EME2: variants seen among roughly 807,000 people sequenced by gnomAD.
EME2 encodes the protein essential meiotic structure-specific endonuclease subunit 2, also known as structure-specific endonuclease subunit EME2.
A neutral mutation model predicts 41.9 loss-of-function variants in EME2; 58 were observed. The observed-to-expected ratio is 1.38, with a 90% CI of 1.12 to 1.72. The LOEUF (loss-of-function observed/expected upper bound fraction) is 1.72, where lower values mean the gene tolerates loss of function less well. Ranked by LOEUF, EME2 falls within the 40% of genes most tolerant of loss-of-function variation. The probability of loss-of-function intolerance (pLI) is 0.00; values close to 1 mark genes in which losing one functional copy is unlikely to be tolerated. For synonymous variants in EME2, 334 were observed against 239.3 expected (o/e 1.40, Z -3.65); for missense variants, 695 against 541.9 (o/e 1.28, Z -2.81).
At chr16:1,774,795 C>A in intron 3 of EME2, 1 of 580,684 alleles carries the variant, frequency 1.7e-6, no homozygotes, top group Non-Finnish European at 3.1e-6. Flanking sequence ...AGAGGTGGAC[C>A]AGGATGAGGG....
In EME2 at chr16:1,778,391, C is replaced by A; in HGVS notation, c.*2153C>A. Reference sequence around the variant, plus strand: ...GGCTCTGCCCTGCCCACCCCCAGGCCCGCCCGCAGTGCAGTCCCAGCAGGG... The same window carrying A: ...GGCTCTGCCCTGCCCACCCCCAGGCACGCCCGCAGTGCAGTCCCAGCAGGG... On this transcript the variant is annotated 3_prime_UTR_variant, in exon 8 of 8. Transcript: ENST00000568449. The A allele has an allele frequency of 6.2e-7, 1 of 1,607,028 alleles. No individual in the cohort carries two copies. The highest frequency in any genetic ancestry group is 8.5e-7 in the Non-Finnish European group (1 of 1,177,572).
rs1271652829 is a variant in EME2, at chr16:1,773,813, G to T, written c.356G>T (p.Arg119Leu). The change falls in exon 2 of 8, where the codon CGA becomes CTA. Residue 119 changes from arginine (R) to leucine (L), a missense_variant. Transcript: ENST00000568449. ...CCGGCCCGCAGCCTGCGGTGGACCC[G>T]AGCGAGTCCCGACCCCTGCCCCCGC... is the stretch of plus-strand genomic sequence containing the variant. ...QRPARSLRWTRASPDPCPRSL... is the reference protein window; with the variant it reads ...QRPARSLRWTLASPDPCPRSL... The T allele has an allele frequency of 5.1e-6, 8 of 1,557,654 alleles. No homozygotes were observed. The highest frequency in any genetic ancestry group is 6.9e-6 in the Non-Finnish European group (8 of 1,153,846).
chr16:1,775,084 C>T lies in EME2; in HGVS notation c.521C>T (p.Thr174Ile). The T allele has an allele frequency of 1.2e-6, 2 of 1,611,152 alleles. No homozygotes were observed. Among genetic ancestry groups the T allele is most frequent in the South Asian group, 1.1e-5 (1 of 91,088 alleles). ...TGGGTGCCCTGGATCTCCCCCGAGACCACCGCCCGGCCCCACCTGGCTGTC... is the reference window on the plus strand; with the variant it reads ...TGGGTGCCCTGGATCTCCCCCGAGATCACCGCCCGGCCCCACCTGGCTGTC... ...THWVPWISPE[T>I]TARPHLAVIG... The change falls in exon 4 of 8, where the codon ACC (threonine) becomes ATC (isoleucine). Residue 174 changes from threonine to isoleucine, a missense_variant. Thr to Ile is a moderately conservative substitution (Grantham distance 89). Transcript: ENST00000568449.
In EME2 at chr16:1,781,093, T is replaced by A. The variant is rs1896689601; in HGVS notation, c.*4855T>A. 7.6e-7 allele frequency: 1 copy of A among 1,312,358 alleles called. No individual in the cohort carries two copies. Among genetic ancestry groups the A allele is most frequent in the Admixed American group, 2.2e-5 (1 of 45,208 alleles). The allele number at this position is 1,312,358 out of a possible 1,614,324, so 81.3% of individuals were successfully genotyped here. A position where few individuals can be genotyped will look rare whatever the true frequency, so the allele number is the denominator to read the frequency against. ...CAACTGCCAACCTCTCCATGCACCA[T>A]GTGTTTCAGAGGAGAAAGCACAGTG... On this transcript the variant is annotated 3_prime_UTR_variant, in exon 8 of 8. Transcript: ENST00000568449.
At position 1,773,001 on chromosome 16, in the gene EME2, G is replaced by A; in HGVS notation, c.-227G>A. On this transcript the variant is annotated 5_prime_UTR_variant, in exon 1 of 8. Transcript: ENST00000568449. ...GCGTCCAGAGAACGGCCGCGTCAAG[G>A]TCTCGTAGTCCACCGCGTAGAGCTG... The A allele has an allele frequency of 6.9e-7, 1 of 1,456,234 alleles. No individual in the cohort carries two copies. Among genetic ancestry groups the A allele is most frequent in the East Asian group, 2.8e-5 (1 of 35,932 alleles). The allele number at this position is 1,456,234 out of a possible 1,614,324, so 90.2% of individuals were successfully genotyped here. A position where few individuals can be genotyped will look rare whatever the true frequency, so the allele number is the denominator to read the frequency against.
In EME2 at chr16:1,773,415, C is replaced by T. The variant is rs1221384776; in HGVS notation, c.188C>T (p.Ala63Val). 34 of 1,566,868 alleles carry T rather than the reference C, an allele frequency of 2.2e-5. No individual in the cohort carries two copies. Among genetic ancestry groups the T allele is most frequent in the Non-Finnish European group, 2.6e-5 (30 of 1,165,840 alleles). ...GGTGAGCGCAGGGCGGCTGCCGAGG[C>T]GTTGCGGCTGCTGCGGCCGGAGCAG... Reference protein sequence around the residue: ...PAGERRAAAEALRLLRPEQVL... With the variant: ...PAGERRAAAEVLRLLRPEQVL... Residue 63 changes from alanine to valine, a missense_variant, in exon 1 of 8, where the codon GCG becomes GTG. Transcript: ENST00000568449.
chr16:1,777,451 G>T lies in EME2; in HGVS notation c.*1213G>T, dbSNP rs574283657. On this transcript the variant is annotated 3_prime_UTR_variant, in exon 8 of 8. Transcript: ENST00000568449. The stretch of plus-strand genomic sequence containing the variant: ...GCTTGGTGGCTGCCACACCTGGAAG[G>T]GAGGGGCCCAGCCTGAACCCCAGGC... 4.8e-5 allele frequency: 72 copies of T among 1,500,292 alleles called. No individual in the cohort carries two copies. The East Asian group carries it at 1.4e-3, about 28-fold the overall frequency. The allele number at this position is 1,500,292 out of a possible 1,614,324, so 92.9% of individuals were successfully genotyped here. A position where few individuals can be genotyped will look rare whatever the true frequency, so the allele number is the denominator to read the frequency against.
intron 4 of EME2, 70 bp downstream of exon 4, chr16:1,775,202 T>A: frequency 5.7e-6 from 9 of 1,590,090 alleles, no homozygotes; most frequent in Non-Finnish European, 6.9e-6. Context: ...GGCACACTTC[T>A]GGGGTTGCTG....
Position 1,776,689 on chromosome 16 carries a change from G to C in EME2, c.*451G>C, listed in dbSNP as rs1187885687. The C allele has an allele frequency of 3.4e-6, 1 of 295,386 alleles. No individual in the cohort carries two copies. Among genetic ancestry groups the C allele is most frequent in the African/African-American group, 2.2e-5 (1 of 45,644 alleles). 18.3% of individuals were successfully genotyped at this position (295,386 alleles called of 1,614,324 possible). On this transcript the variant is annotated 3_prime_UTR_variant, in exon 8 of 8. Transcript: ENST00000568449. ...TGCTCGCAAGCCCGGCCTCTGCACG[G>C]ATACGTTTCAGCTCACGCCATGTGG...
In EME2 at chr16:1,772,892, C is replaced by T; in HGVS notation, c.-336C>T. On this transcript the variant is annotated 5_prime_UTR_variant, in exon 1 of 8. Transcript: ENST00000568449. ...AGGACTTGCGCGTGACCAGGCGGCC[C>T]AGGCCGAAGAGCGGGAGGCGGCCGA... The T allele has an allele frequency of 6.9e-7, 1 of 1,453,426 alleles. No individual in the cohort carries two copies. The highest frequency in any genetic ancestry group is 9.0e-7 in the Non-Finnish European group (1 of 1,110,000). 90.0% of individuals were successfully genotyped at this position (1,453,426 alleles called of 1,614,324 possible). A position where few individuals can be genotyped will look rare whatever the true frequency, so the allele number is the denominator to read the frequency against.
intron 2 of EME2, 44 bp from the exon 3 acceptor site, chr16:1,774,216 C>T: frequency 6.3e-7 from 1 of 1,578,534 alleles, no homozygotes; most frequent in Non-Finnish European, 8.7e-7. Context: ...CCCTGGGGCA[C>T]CCGGGGTTGA....
At position 1,781,193 on chromosome 16, in the gene EME2, T is replaced by C. The variant is rs777064183; in HGVS notation, c.*4955T>C. On this transcript the variant is annotated 3_prime_UTR_variant, in exon 8 of 8. Transcript: ENST00000568449. ...CCTTTGCCAAATTAAAGAGTCTTAC[T>C]GAATGCGGTGCATCCAGGAGACAGG... 6.5e-7 allele frequency: 1 copy of C among 1,548,030 alleles called. No homozygotes were observed. The highest frequency in any genetic ancestry group is 8.7e-7 in the Non-Finnish European group (1 of 1,153,362).
In EME2 at chr16:1,778,892, C is replaced by G. The variant is rs535686201; in HGVS notation, c.*2654C>G. ...AAGTGGTTTCTAGACGGTGGATAAG[C>G]CCCAGGTCCACCCCACCTGCCCAGA... On this transcript the variant is annotated 3_prime_UTR_variant, in exon 8 of 8. Transcript: ENST00000568449. 2.8e-6 allele frequency: 1 copy of G among 357,530 alleles called. No homozygotes were observed. Among genetic ancestry groups the G allele is most frequent in the East Asian group, 4.6e-5 (1 of 21,908 alleles). 22.1% of individuals were successfully genotyped at this position (357,530 alleles called of 1,614,324 possible). A position where few individuals can be genotyped will look rare whatever the true frequency, so the allele number is the denominator to read the frequency against.
At position 1,777,230 on chromosome 16, in the gene EME2, T is replaced by C. The variant is rs1294651032; in HGVS notation, c.*992T>C. 2 of 1,610,654 alleles carry C rather than the reference T, an allele frequency of 1.2e-6. No individual in the cohort carries two copies. Among genetic ancestry groups the C allele is most frequent in the Admixed American group, 1.7e-5 (1 of 60,004 alleles). On this transcript the variant is annotated 3_prime_UTR_variant, in exon 8 of 8. Coordinates refer to ENST00000568449, the MANE Select transcript of EME2 (RefSeq NM_001257370.2). ...ACTCATGCTCAGGACCCAGCCCAGC[T>C]TGTTGTGTAGCACCTGCTTGAGGCC...
chr16:1,773,106 T>G lies in EME2; in HGVS notation c.-122T>G. 7.9e-6 allele frequency: 11 copies of G among 1,398,742 alleles called. No homozygotes were observed. The highest frequency in any genetic ancestry group is 1.0e-5 in the Non-Finnish European group (11 of 1,081,758). The allele number at this position is 1,398,742 out of a possible 1,614,324, so 86.6% of individuals were successfully genotyped here. A position where few individuals can be genotyped will look rare whatever the true frequency, so the allele number is the denominator to read the frequency against. ...CTCCGCGATCAGCCGCGGACGCACCTTCTTCCGCGCCATGGCGGGTCCGCG... is the reference window on the plus strand; with the variant it reads ...CTCCGCGATCAGCCGCGGACGCACCGTCTTCCGCGCCATGGCGGGTCCGCG... On this transcript the variant is annotated 5_prime_UTR_variant, in exon 1 of 8. Transcript: ENST00000568449.
Position 1,778,386 on chromosome 16 carries a change from C to T in EME2, c.*2148C>T, listed in dbSNP as rs772726555. ...CATGGGGCTCTGCCCTGCCCACCCCCAGGCCCGCCCGCAGTGCAGTCCCAG... is the reference window on the plus strand; with the variant it reads ...CATGGGGCTCTGCCCTGCCCACCCCTAGGCCCGCCCGCAGTGCAGTCCCAG... On this transcript the variant is annotated 3_prime_UTR_variant, in exon 8 of 8. Coordinates refer to ENST00000568449, the MANE Select transcript of EME2 (RefSeq NM_001257370.2). The T allele has an allele frequency of 6.2e-7, 1 of 1,606,808 alleles. No homozygotes were observed. Among genetic ancestry groups the T allele is most frequent in the Admixed American group, 1.7e-5 (1 of 59,600 alleles).
chr16:1,781,411 G>A lies in EME2; in HGVS notation c.*5173G>A, dbSNP rs1288869069. ...GTGGAGCCTGCTAGAGCCACGGCCC[G>A]GGCATCTGCGTCTCGGCGGGCTGCA... On this transcript the variant is annotated 3_prime_UTR_variant, in exon 8 of 8. Transcript: ENST00000568449. 3.1e-6 allele frequency: 5 copies of A among 1,612,706 alleles called. No homozygotes were observed. The highest frequency in any genetic ancestry group is 4.2e-6 in the Non-Finnish European group (5 of 1,180,004).
At position 1,777,922 on chromosome 16, in the gene EME2, C is replaced by T. The variant is rs755322012; in HGVS notation, c.*1684C>T. 10 of 1,611,946 alleles carry T rather than the reference C, an allele frequency of 6.2e-6. No homozygotes were observed. Among genetic ancestry groups the T allele is most frequent in the Admixed American group, 5.0e-5 (3 of 59,960 alleles). ...AGCCCGGGAGCTCCAGGCTCGGCCC[C>T]GCCCCACCCTGGGCCTCACGCACCC... On this transcript the variant is annotated 3_prime_UTR_variant, in exon 8 of 8. Transcript: ENST00000568449.
rs142106391 is a variant in EME2 at position 1,776,039 on chromosome 16, C to T, written c.970-29C>T. 4.7e-4 allele frequency: 748 copies of T among 1,604,834 alleles called. 3 individuals are homozygous for T. In the Middle Eastern group the frequency reaches 5.8e-3, roughly 13 times the overall value. ...CAGGTGCAGAAGCCCCGTCCCCAGG[C>T]GCCCTCTCATGCCTTTGCCTGCTCC... On this transcript the variant is annotated intron_variant, in intron 7 of 7. Transcript: ENST00000568449.
Sources: allele counts gnomAD v4.1 joint callset, GRCh38; gene constraint gnomAD v4.1.1; transcripts MANE v1.5; gene names NCBI Gene and HGNC (gene_info 2026-07-23, HGNC 2026-07-21).